The following VEGFC variants were observed in gnomAD, a reference collection of about 807,000 sequenced individuals.
The protein encoded by VEGFC is FLT4 ligand DHM.
In VEGFC, 12 loss-of-function variants were observed where a neutral mutation model predicts 46.1. The ratio of observed to expected loss-of-function variants is 0.26; its 90% CI spans 0.17 to 0.42. The LOEUF (loss-of-function observed/expected upper bound fraction) is 0.42. Among genes scored for constraint, VEGFC ranks in the 10% least tolerant of loss-of-function variants. The pLI, the probability that VEGFC is intolerant of heterozygous loss-of-function variation, is 1.00. For synonymous variants in VEGFC, 232 were observed against 195.5 expected (o/e 1.19, Z -1.56); for missense variants, 488 against 529.4 (o/e 0.92, Z 0.77).
chr4:176,711,868 T>C (rs1326731576), intron 3 of VEGFC, among the ~76,000 whole-genome samples: 1 of 152,214 alleles, frequency 6.6e-6, no homozygotes, highest in Non-Finnish European at 1.5e-5. Flanking sequence ...GTTTATCTTA[T>C]GTCACTAGTT....
Position 176,704,423 on chromosome 4 carries a change from A to G in VEGFC, c.704+7076T>C, listed in dbSNP as rs150598846. Among the ~76,000 whole-genome samples, 326 of 152,252 alleles carry G rather than the reference A, an allele frequency of 2.1e-3. 3 individuals are homozygous for G. Among genetic ancestry groups the G allele is most frequent in the African/African-American group, 7.6e-3 (314 of 41,560 alleles). On this transcript the variant is annotated intron_variant, in intron 4 of 6. Coordinates refer to ENST00000618562, the MANE Select transcript of VEGFC (RefSeq NM_005429.5). ...AGTTCTCCTTTTCAGGTAAGTTCCT[A>G]CTATGAACAGGTGCTCCTTGTCTTT...
At chr4:176,760,041 C>G (rs113061661) in intron 1 of VEGFC, among the ~76,000 whole-genome samples, 90 of 151,768 alleles carry the variant, frequency 5.9e-4, no homozygotes, top group African/African-American at 2.1e-3. Context: ...ACAAATAAGT[C>G]GAAATGAGGT....
At position 176,772,024 on chromosome 4, in the gene VEGFC, G is replaced by A. The variant is rs945131268; in HGVS notation, c.147+20141C>T. ...CTAACAGAAAGAAAAGAATGAGCAC[G>A]TTGGCTGCAGAAAGCCCTATTACGG... On this transcript the variant is annotated intron_variant, in intron 1 of 6. Coordinates refer to ENST00000618562, the MANE Select transcript of VEGFC (RefSeq NM_005429.5). Among the ~76,000 whole-genome samples the A allele has an allele frequency of 3.9e-5, 6 of 152,266 alleles. 1 individual carries two copies. The highest frequency in any genetic ancestry group is 1.9e-4 in the East Asian group (1 of 5,168).
intron 1 of VEGFC, among the ~76,000 whole-genome samples, chr4:176,744,713 AT>A (rs1735232970): frequency 6.6e-6 from 1 of 152,106 alleles, no homozygotes; most frequent in African/African-American, 2.4e-5. Context: ...TAAAAAATAC[AT>A]TATCATCTCT....
intron 4 of VEGFC, among the ~76,000 whole-genome samples, chr4:176,688,581 C>A (rs538602504): frequency 1.0e-5 from 1 of 97,544 alleles, no homozygotes; most frequent in African/African-American, 3.0e-5. Context: ...CTCTTTACTT[C>A]CTTCCTTCCC....
chr4:176,761,098 T>A (rs1038660788), intron 1 of VEGFC, among the ~76,000 whole-genome samples: 5 of 152,214 alleles, frequency 3.3e-5, no homozygotes, highest in Non-Finnish European at 5.9e-5. Flanking sequence ...CAAGTGAATA[T>A]TTAAAAAAGT....
At chr4:176,686,017 A>G (rs923217684) in intron 6 of VEGFC, among the ~76,000 whole-genome samples, 6 of 152,224 alleles carry the variant, frequency 3.9e-5, no homozygotes, top group Non-Finnish European at 8.8e-5. Flanking sequence ...TAAATGAAAT[A>G]CAAGCTTTTT....
chr4:176,781,278 G>A (rs1346940768), intron 1 of VEGFC, among the ~76,000 whole-genome samples: 1 of 152,156 alleles, frequency 6.6e-6, no homozygotes, highest in Non-Finnish European at 1.5e-5. Flanking sequence ...CTGAGACAAA[G>A]GGATCAGTTT....
At chr4:176,686,456 GA>G (rs1294816764) in intron 6 of VEGFC, among the ~76,000 whole-genome samples, 2 of 151,960 alleles carry the variant, frequency 1.3e-5, no homozygotes, top group East Asian at 1.9e-4. Flanking sequence ...AAACTAAGGG[GA>G]AAAAAAGTAG....
chr4:176,687,890 T>C lies in VEGFC; in HGVS notation c.742A>G (p.Met248Val), dbSNP rs1242090667. 1 of 1,613,112 alleles carries C rather than the reference T, an allele frequency of 6.2e-7. No homozygotes were observed. Among genetic ancestry groups the C allele is most frequent in the African/African-American group, 1.3e-5 (1 of 74,852 alleles). ...AANKTCPTNY[M>V]WNNHICRCLA... ...CATCTGCAGATGTGATTATTCCACA[T>C]GTAATTGGTGGGGCAGGTCTTGTTC... The change falls in exon 5 of 7, where the codon ATG becomes GTG. Residue 248 changes from methionine to valine, a missense_variant. Met to Val is a conservative substitution (Grantham distance 21). Coordinates refer to ENST00000618562, the MANE Select transcript of VEGFC (RefSeq NM_005429.5).
At chr4:176,778,196 A>G (rs28497571) in intron 1 of VEGFC, among the ~76,000 whole-genome samples, 16,654 of 152,120 alleles carry the variant, frequency 0.11, 2,262 homozygotes, top group African/African-American at 0.32. Flanking sequence ...AACAACTACA[A>G]AACAGAGGAC....
rs1306881254 is a variant in VEGFC, at chr4:176,687,055, TA to T, written c.1145+131del. 4 of 1,045,690 alleles carry T rather than the reference TA, an allele frequency of 3.8e-6. No homozygotes were observed. In the Admixed American group the frequency reaches 1.0e-4, roughly 27 times the overall value. The allele number at this position is 1,045,690 out of a possible 1,614,324, so 64.8% of individuals were successfully genotyped here. ...AAGTTTAGCATTGGTTAAAAAAATATAAGATTTTTGTCTTTCAGAATGTATT... is the reference window on the plus strand; with the variant it reads ...AAGTTTAGCATTGGTTAAAAAAATATAGATTTTTGTCTTTCAGAATGTATT... On this transcript the variant is annotated intron_variant, in intron 6 of 6. Coordinates refer to ENST00000618562, the MANE Select transcript of VEGFC (RefSeq NM_005429.5).
intron 1 of VEGFC, among the ~76,000 whole-genome samples, chr4:176,754,032 T>A (rs1349635693): frequency 2.6e-5 from 4 of 152,096 alleles, no homozygotes; most frequent in African/African-American, 9.7e-5. Context: ...GTAACCATAT[T>A]CCAGATGATG....
chr4:176,740,940 T>G (rs1362034402), intron 1 of VEGFC, among the ~76,000 whole-genome samples: 1 of 151,886 alleles, frequency 6.6e-6, no homozygotes. Context: ...TTATCATCGA[T>G]TAGTTAACCA....
chr4:176,696,025 T>C (rs1181407181), intron 4 of VEGFC, among the ~76,000 whole-genome samples: 2 of 140,520 alleles, frequency 1.4e-5, no homozygotes, highest in African/African-American at 3.1e-5. Context: ...ACAGCCAATA[T>C]CATACTGAAT....
intron 1 of VEGFC, among the ~76,000 whole-genome samples, chr4:176,774,964 C>A (rs1735791520): frequency 6.6e-6 from 1 of 152,154 alleles, no homozygotes; most frequent in Admixed American, 6.5e-5. Flanking sequence ...CAAGCTTCAG[C>A]CCGATTGATC....
chr4:176,740,883 T>C (rs991607821), intron 1 of VEGFC, among the ~76,000 whole-genome samples: 1 of 151,862 alleles, frequency 6.6e-6, no homozygotes, highest in African/African-American at 2.4e-5. Flanking sequence ...ATAAATAACG[T>C]TCAAGGAATG....
At chr4:176,689,077 A>C (rs1250997378) in intron 4 of VEGFC, among the ~76,000 whole-genome samples, 1 of 152,210 alleles carries the variant, frequency 6.6e-6, no homozygotes, top group Non-Finnish European at 1.5e-5. Flanking sequence ...TCAACTTCTC[A>C]CTACCTCATT....
At chr4:176,696,991 G>T (rs2110980198) in intron 4 of VEGFC, among the ~76,000 whole-genome samples, 1 of 150,598 alleles carries the variant, frequency 6.6e-6, no homozygotes, top group East Asian at 1.9e-4. Flanking sequence ...GTTCAAGATG[G>T]ATTAAAGACT....
Sources: allele counts gnomAD v4.1 joint callset (sites outside exome capture counted in the v4.1 genomes callset), GRCh38; gene constraint gnomAD v4.1.1; transcripts MANE v1.5; gene names NCBI Gene and HGNC (gene_info 2026-07-23, HGNC 2026-07-21).